The following CNTNAP2 variants were observed in gnomAD, a reference collection of about 807,000 sequenced individuals.
CNTNAP2 encodes the protein contactin associated protein 2.
In CNTNAP2, 98 loss-of-function variants were observed where a neutral mutation model predicts 155.2. That is an observed-to-expected ratio of 0.63 (90% CI 0.54 to 0.75). The LOEUF (loss-of-function observed/expected upper bound fraction) is 0.75. CNTNAP2 is among the 30% of genes least tolerant of loss of function. The pLI is 0.00. For synonymous variants in CNTNAP2, 651 were observed against 631.2 expected (o/e 1.03, Z -0.47); for missense variants, 1,727 against 1,688.1 (o/e 1.02, Z -0.40).
At chr7:148,413,399 A>AAAT (rs1554432351) in intron 23 of CNTNAP2, among the ~76,000 whole-genome samples, 1 of 48,582 alleles carries the variant, frequency 2.1e-5, no homozygotes, top group African/African-American at 1.3e-4. Context: ...TCTCAAAAAA[A>AAAT]AAATATATAT....
At chr7:146,417,761 A>G (rs1034109616) in intron 1 of CNTNAP2, among the ~76,000 whole-genome samples, 2 of 152,212 alleles carry the variant, frequency 1.3e-5, no homozygotes, top group Non-Finnish European at 2.9e-5. Flanking sequence ...GTGATTTAGT[A>G]TATAAAATTA....
intron 23 of CNTNAP2, among the ~76,000 whole-genome samples, chr7:148,410,637 T>C (rs1316324898): frequency 6.7e-6 from 1 of 149,656 alleles, no homozygotes; most frequent in African/African-American, 2.5e-5. Context: ...ATAAAAATTA[T>C]CAGAAAATCA....
At chr7:147,854,939 C>T (rs765653380) in intron 13 of CNTNAP2, among the ~76,000 whole-genome samples, 8 of 152,030 alleles carry the variant, frequency 5.3e-5, no homozygotes, top group South Asian at 2.1e-4. Context: ...TTGAAGACAC[C>T]GCCCAAGAAA....
At chr7:146,181,631 C>T (rs965657683) in intron 1 of CNTNAP2, among the ~76,000 whole-genome samples, 2 of 152,012 alleles carry the variant, frequency 1.3e-5, no homozygotes, top group African/African-American at 4.8e-5. Context: ...TTTTACTGCT[C>T]AGATGAACAT....
In CNTNAP2 at chr7:147,300,191, G is replaced by A. The variant is rs986848347; in HGVS notation, c.1399G>A (p.Glu467Lys). 6.2e-7 allele frequency: 1 copy of A among 1,614,012 alleles called. No homozygotes were observed. The highest frequency in any genetic ancestry group is 2.2e-5 in the East Asian group (1 of 44,872). ...GCACGAGGTTCGCTTCCTAGCCAAG[G>A]AAAATTTTGCTATTCTCACCATCGA... Reference protein sequence around the residue: ...QWHEVRFLAKENFAILTIDGD... With the variant: ...QWHEVRFLAKKNFAILTIDGD... Residue 467 changes from glutamate to lysine, a missense_variant, in exon 9 of 24, where the codon GAA becomes AAA. Coordinates refer to ENST00000361727, the MANE Select transcript of CNTNAP2 (RefSeq NM_014141.6).
At chr7:146,803,440 A>G (rs11972861) in intron 2 of CNTNAP2, among the ~76,000 whole-genome samples, 59,540 of 152,116 alleles carry the variant, frequency 0.39, 15,156 homozygotes, top group African/African-American at 0.73. Context: ...CCCCTAGTGC[A>G]CATAATCTCT....
chr7:147,297,947 T>C (rs1383215470), intron 8 of CNTNAP2, among the ~76,000 whole-genome samples: 1 of 152,202 alleles, frequency 6.6e-6, no homozygotes, highest in African/African-American at 2.4e-5. Flanking sequence ...AGTAGTTGGA[T>C]TGCTGGATCA....
intron 1 of CNTNAP2, among the ~76,000 whole-genome samples, chr7:146,547,474 G>A (rs940965): frequency 0.033 from 5,023 of 151,920 alleles, 289 homozygotes; most frequent in African/African-American, 0.11. Flanking sequence ...TTTCATGCCT[G>A]TTTATTTATA....
At position 147,486,013 on chromosome 7, in the gene CNTNAP2, A is replaced by G; in HGVS notation, c.1749A>G (p.Thr583=). ...GCTTCAAATGCACTTGTGATGAGAC[A>G]GGATACAGTGGGGCCACCTGCCACA... ...WDSFKCTCDE[T]GYSGATCHNS... Residue 583 remains threonine, a synonymous_variant, in exon 11 of 24, where the codon ACA becomes ACG. Coordinates refer to ENST00000361727, the MANE Select transcript of CNTNAP2 (RefSeq NM_014141.6). The G allele has an allele frequency of 6.2e-7, 1 of 1,614,122 alleles. No individual in the cohort carries two copies. Among genetic ancestry groups the G allele is most frequent in the Non-Finnish European group, 8.5e-7 (1 of 1,179,964 alleles).
intron 1 of CNTNAP2, among the ~76,000 whole-genome samples, chr7:146,531,297 A>T (rs1344230009): frequency 6.6e-6 from 1 of 152,130 alleles, no homozygotes; most frequent in African/African-American, 2.4e-5. Context: ...TTGACAAAAT[A>T]ATCTATACAC....
intron 1 of CNTNAP2, among the ~76,000 whole-genome samples, chr7:146,299,274 A>C (rs1055857496): frequency 1.3e-5 from 2 of 152,218 alleles, no homozygotes; most frequent in Non-Finnish European, 2.9e-5. Context: ...TCCATCTAAA[A>C]AAATAAAAAT....
intron 1 of CNTNAP2, among the ~76,000 whole-genome samples, chr7:146,375,217 A>G (rs994494170): frequency 6.6e-6 from 1 of 152,184 alleles, no homozygotes; most frequent in South Asian, 2.1e-4. Flanking sequence ...AATTATTTCA[A>G]CCATTGCTTT....
intron 18 of CNTNAP2, among the ~76,000 whole-genome samples, chr7:148,181,879 T>G (rs1460977380): frequency 6.7e-6 from 1 of 148,444 alleles, no homozygotes; most frequent in Non-Finnish European, 1.5e-5. Context: ...TGCCTCAGCC[T>G]CCCGAGTAGC....
At chr7:147,710,690 A>T (rs1796389699) in intron 13 of CNTNAP2, among the ~76,000 whole-genome samples, 1 of 152,190 alleles carries the variant, frequency 6.6e-6, no homozygotes, top group Non-Finnish European at 1.5e-5. Context: ...AATGTGCTCT[A>T]AAAATGTTGA....
At chr7:148,203,447 T>C (rs920259382) in intron 18 of CNTNAP2, among the ~76,000 whole-genome samples, 1 of 152,218 alleles carries the variant, frequency 6.6e-6, no homozygotes, top group Non-Finnish European at 1.5e-5. Context: ...ATGTATTTCA[T>C]CGAGAAATGA....
At chr7:147,706,969 C>T (rs1001620946) in intron 13 of CNTNAP2, among the ~76,000 whole-genome samples, 1 of 152,158 alleles carries the variant, frequency 6.6e-6, no homozygotes, top group Non-Finnish European at 1.5e-5. Context: ...TTCAGTTTCA[C>T]AATTTCTGTT....
intron 15 of CNTNAP2, among the ~76,000 whole-genome samples, chr7:147,979,941 C>G (rs1390495888): frequency 6.6e-6 from 1 of 152,006 alleles, no homozygotes; most frequent in Non-Finnish European, 1.5e-5. Flanking sequence ...ACTTTTATTA[C>G]CATTCTTAAA....
At chr7:146,265,388 T>C (rs1164802234) in intron 1 of CNTNAP2, among the ~76,000 whole-genome samples, 2 of 152,134 alleles carry the variant, frequency 1.3e-5, no homozygotes, top group Non-Finnish European at 2.9e-5. Context: ...TTGGAAATTG[T>C]TGAGGCATGT....
At chr7:147,667,659 G>A (rs1387183930) in intron 13 of CNTNAP2, among the ~76,000 whole-genome samples, 6 of 151,766 alleles carry the variant, frequency 4.0e-5, no homozygotes, top group Non-Finnish European at 5.9e-5. Context: ...TCCTTTTATT[G>A]GTGATCTCCA....
Sources: gnomAD v4.1 joint callset for allele counts (sites outside exome capture counted in the v4.1 genomes callset) on GRCh38, gnomAD v4.1.1 for gene constraint, MANE v1.5 for transcripts, NCBI Gene and HGNC (gene_info 2026-07-23, HGNC 2026-07-21) for gene names.